Variants in DPEP1 observed in about 807,000 individuals in gnomAD.
The protein encoded by DPEP1 is dipeptidase 1.
In DPEP1, 50 loss-of-function variants were observed where a neutral mutation model predicts 42.3. The ratio of observed to expected loss-of-function variants is 1.18; its 90% confidence interval spans 0.94 to 1.50. DPEP1 has a LOEUF of 1.50. DPEP1 is among the 40% of genes most tolerant of loss of function. The probability of loss-of-function intolerance (pLI) is 0.00; values close to 1 mark genes in which losing one functional copy is unlikely to be tolerated. For synonymous variants in DPEP1, 297 were observed against 234.0 expected (o/e 1.27, Z -2.46); for missense variants, 663 against 553.0 (o/e 1.20, Z -1.99).
rs1379305342 is a variant in DPEP1, at chr16:89,638,067, C to T, written c.1081C>T (p.Gln361Ter). The T allele has an allele frequency of 6.2e-7, 1 of 1,612,142 alleles. No individual in the cohort carries two copies. The highest frequency in any genetic ancestry group is 8.5e-7 in the Non-Finnish European group (1 of 1,179,818). Residue 361 changes from glutamine (Q) to a stop codon, truncating the protein, a stop_gained, in exon 11 of 11, where the codon CAG becomes TAG. Transcript: ENST00000690203. LOFTEE classifies it low-confidence loss of function (END_TRUNC). Reference protein sequence around the residue: ...EAVEQASNLTQAPEEEPIPLD... With the variant: ...EAVEQASNLT ...CTGTCCCCAGGCCAGCAACCTCACA[C>T]AGGCTCCCGAGGAGGAGCCCATCCC...
At chr16:89,633,006 A>C (rs1192316684) in intron 2 of DPEP1, among the ~76,000 whole-genome samples, 1 of 152,092 alleles carries the variant, frequency 6.6e-6, no homozygotes, top group Non-Finnish European at 1.5e-5. Flanking sequence ...TGTCCCTCCA[A>C]GGGCGGCTCC....
intron 1 of DPEP1, among the ~76,000 whole-genome samples, chr16:89,629,827 G>T (rs1339513942): frequency 6.6e-6 from 1 of 152,218 alleles, no homozygotes; most frequent in East Asian, 1.9e-4. Flanking sequence ...TCAGCAACAG[G>T]GCAGGCGCCA....
At chr16:89,638,523 C>G (rs78545310), downstream of DPEP1, 2 of 1,206,204 alleles carry the variant, frequency 1.7e-6, no homozygotes, top group Non-Finnish European at 2.1e-6. Flanking sequence ...CTCCTGTGAT[C>G]CTGGATCGAG....
chr16:89,636,140 G>T (rs188819412), intron 3 of DPEP1, 100 bp downstream of exon 3: 93 of 1,546,450 alleles, frequency 6.0e-5, no homozygotes, highest in Non-Finnish European at 7.7e-5. Flanking sequence ...GTTCCTCCAG[G>T]GTCCCTCGGT....
chr16:89,614,587 G>T (rs1053894826), intron 1 of DPEP1, among the ~76,000 whole-genome samples: 2 of 152,210 alleles, frequency 1.3e-5, no homozygotes, highest in Non-Finnish European at 2.9e-5. Context: ...GAGGTCAGGA[G>T]ATCGAGACCA....
chr16:89,629,502 TC>T (rs1309992029), intron 1 of DPEP1, among the ~76,000 whole-genome samples: 1 of 89,936 alleles, frequency 1.1e-5, no homozygotes, highest in Non-Finnish European at 2.1e-5. Context: ...CCTGCCGGGC[TC>T]CCCCCACCCC....
chr16:89,622,113 G>A (rs2059453304), intron 1 of DPEP1, among the ~76,000 whole-genome samples: 1 of 152,140 alleles, frequency 6.6e-6, no homozygotes, highest in Non-Finnish European at 1.5e-5. Flanking sequence ...CCCATCTCTG[G>A]AGATGGACCC....
At chr16:89,637,097 C>A in intron 6 of DPEP1, 107 bp from the exon 7 acceptor site, 1 of 1,531,750 alleles carries the variant, frequency 6.5e-7, no homozygotes, top group Non-Finnish European at 8.8e-7. Flanking sequence ...TGAGTGGCCC[C>A]GGACTTCCAG....
At chr16:89,628,648 C>T (rs1016581352) in intron 1 of DPEP1, among the ~76,000 whole-genome samples, 1 of 152,032 alleles carries the variant, frequency 6.6e-6, no homozygotes, top group African/African-American at 2.4e-5. Context: ...GAGTGTGGTG[C>T]TCTTGGAAAT....
intron 1 of DPEP1, chr16:89,616,812 G>A (rs1274233279): frequency 1.1e-5 from 3 of 265,612 alleles, no homozygotes; most frequent in African/African-American, 2.3e-5. Flanking sequence ...CAGGCAGAAA[G>A]CGGCCAGGAA....
chr16:89,633,606 C>T (rs975064280), intron 2 of DPEP1, among the ~76,000 whole-genome samples: 3 of 152,204 alleles, frequency 2.0e-5, no homozygotes, highest in African/African-American at 4.8e-5. Context: ...TCCCAGCTGC[C>T]CTCCAAGGAA....
intron 1 of DPEP1, among the ~76,000 whole-genome samples, chr16:89,614,930 C>T (rs1468715899): frequency 6.6e-6 from 1 of 152,186 alleles, no homozygotes; most frequent in Non-Finnish European, 1.5e-5. Flanking sequence ...TAGCGAAGGG[C>T]AGAACCTACT....
At chr16:89,614,064 C>T (rs942752987) in intron 1 of DPEP1, among the ~76,000 whole-genome samples, 2 of 149,472 alleles carry the variant, frequency 1.3e-5, no homozygotes, top group East Asian at 2.0e-4. Context: ...GCAGGGGACG[C>T]GGCTGCTTCC....
chr16:89,620,116 C>T (rs999327038), intron 1 of DPEP1, among the ~76,000 whole-genome samples: 2 of 151,760 alleles, frequency 1.3e-5, no homozygotes, highest in African/African-American at 2.4e-5. Context: ...TTCGAAAGCC[C>T]GTGTGGCTTT....
At chr16:89,618,694 C>T (rs551343212) in intron 1 of DPEP1, among the ~76,000 whole-genome samples, 1 of 152,140 alleles carries the variant, frequency 6.6e-6, no homozygotes, top group African/African-American at 2.4e-5. Flanking sequence ...GACGAGGTCT[C>T]CTTGTGTTGC....
chr16:89,638,768 C>T (rs1180347091), downstream of DPEP1, among the ~76,000 whole-genome samples: 5 of 111,566 alleles, frequency 4.5e-5, no homozygotes, highest in Admixed American at 9.3e-5. Flanking sequence ...CATCCCTGCA[C>T]GCACACACCC....
At chr16:89,631,036 G>A (rs2059581238) in intron 2 of DPEP1, among the ~76,000 whole-genome samples, 2 of 152,102 alleles carry the variant, frequency 1.3e-5, no homozygotes, top group African/African-American at 4.8e-5. Flanking sequence ...GTCTGAGCCT[G>A]CGGACGTGGA....
chr16:89,626,832 T>C (rs567848940), intron 1 of DPEP1, among the ~76,000 whole-genome samples: 2 of 151,982 alleles, frequency 1.3e-5, no homozygotes, highest in Non-Finnish European at 2.9e-5. Flanking sequence ...AATTACCCAG[T>C]CTTGGCCAGG....
intron 1 of DPEP1, chr16:89,620,594 G>A (rs1265771590): frequency 6.6e-6 from 1 of 152,300 alleles, no homozygotes; most frequent in Non-Finnish European, 1.5e-5. Flanking sequence ...CTCTCCCTGG[G>A]GTACTGTGCG....
Sources: allele counts gnomAD v4.1 joint callset (sites outside exome capture counted in the v4.1 genomes callset), GRCh38; gene constraint gnomAD v4.1.1; transcripts MANE v1.5; gene names NCBI Gene and HGNC (gene_info 2026-07-23, HGNC 2026-07-21).